MED13: variants seen among roughly 807,000 people sequenced by gnomAD.
MED13 encodes the protein mediator complex subunit 13.
MED13 carries 23 observed loss-of-function variants against 225.2 expected under a neutral mutation model. The ratio of observed to expected loss-of-function variants is 0.10; its 90% confidence interval spans 0.07 to 0.14. The LOEUF (loss-of-function observed/expected upper bound fraction) is 0.14, where lower values mean the gene tolerates loss of function less well. Among genes scored for constraint, MED13 ranks in the 10% least tolerant of loss-of-function variants. The pLI is 1.00. For synonymous variants in MED13, 942 were observed against 889.2 expected, an observed-to-expected ratio of 1.06 and a Z score of -1.06; for missense variants, 2,197 against 2,594.5, an observed-to-expected ratio of 0.85 and a Z score of 3.33.
chr17:61,978,257 T>G (rs1180561015), intron 16 of MED13, among the ~76,000 whole-genome samples: 2 of 152,146 alleles, frequency 1.3e-5, no homozygotes, highest in African/African-American at 4.8e-5. Context: ...TTTATTTTTT[T>G]TATTTTTTTT....
chr17:62,008,114 G>A (rs546280054), intron 9 of MED13, among the ~76,000 whole-genome samples: 40 of 148,822 alleles, frequency 2.7e-4, no homozygotes, highest in African/African-American at 8.4e-4. Flanking sequence ...TCAGGAGATC[G>A]AGACCATCCT....
intron 2 of MED13, 56 bp from the exon 3 acceptor site, chr17:62,052,761 CAAGTAAAA>C: frequency 5.2e-6 from 7 of 1,335,588 alleles, no homozygotes; most frequent in Non-Finnish European, 7.0e-6. Context: ...TATTCAGAGC[CAAGTAAAA>C]AAGGTTACAG....
At chr17:62,003,691 CAT>C (rs1265111483) in intron 9 of MED13, 1 of 146,114 alleles carries the variant, frequency 6.8e-6, no homozygotes, top group East Asian at 2.2e-4. Flanking sequence ...TCACATAAGA[CAT>C]ATGATTAAAA....
In MED13 at chr17:61,961,715, T is replaced by C; in HGVS notation, c.5129A>G (p.His1710Arg). The C allele has an allele frequency of 6.2e-7, 1 of 1,614,082 alleles. No individual in the cohort carries two copies. Among genetic ancestry groups the C allele is most frequent in the Non-Finnish European group, 8.5e-7 (1 of 1,179,984 alleles). The stretch of plus-strand genomic sequence containing the variant: ...GGCCGAAAAAGCCAGGGATTTTAAA[T>C]GCTGGGGATAGATTTCTCTATCTTC... ...KHEDREIYPQ[H>R]LKSLAFSAFT... The change falls in exon 22 of 30, where the codon CAT becomes CGT. Residue 1710 changes from histidine (H) to arginine (R), a missense_variant. Physicochemically the swap from His to Arg is conservative, Grantham distance 29. Transcript: ENST00000397786.
At chr17:61,984,940 G>C in intron 13 of MED13, 60 bp downstream of exon 13, 1 of 1,593,182 alleles carries the variant, frequency 6.3e-7, no homozygotes, top group East Asian at 2.2e-5. Context: ...AAGGAGTGGG[G>C]AGCTTTGTTG....
intron 8 of MED13, among the ~76,000 whole-genome samples, chr17:62,012,238 A>G (rs981105271): frequency 1.3e-5 from 2 of 151,876 alleles, no homozygotes; most frequent in African/African-American, 4.8e-5. Context: ...AACAAAAACA[A>G]ACAAAAAAAA....
intron 16 of MED13, among the ~76,000 whole-genome samples, chr17:61,977,337 G>C (rs149376841): frequency 5.9e-5 from 9 of 152,304 alleles, no homozygotes; most frequent in African/African-American, 2.2e-4. Context: ...TCTGGAAAAC[G>C]AGTATCCAAG....
chr17:61,965,754 TAA>T (rs1159486892), intron 19 of MED13, among the ~76,000 whole-genome samples: 1 of 152,204 alleles, frequency 6.6e-6, no homozygotes, highest in Non-Finnish European at 1.5e-5. Context: ...TAATTAAATG[TAA>T]AAAAGGTATC....
Position 61,965,146 on chromosome 17 carries a change from A to G in MED13, c.4704T>C (p.Ala1568=). 6.2e-7 allele frequency: 1 copy of G among 1,614,214 alleles called. No individual in the cohort carries two copies. The highest frequency in any genetic ancestry group is 8.5e-7 in the Non-Finnish European group (1 of 1,180,034). The stretch of plus-strand genomic sequence containing the variant: ...TTGCTTGTGTAGACATGGATCCTGC[A>G]GCATTACTGTTCATACTGCCAAAGG... ...FPPFGSMNSN[A]AGSMSTQANT... is the part of the protein sequence containing the mutation. Residue 1568 remains alanine, a synonymous_variant, in exon 20 of 30, where the codon GCT becomes GCC. Coordinates refer to ENST00000397786, the MANE Select transcript of MED13 (RefSeq NM_005121.3).
chr17:61,983,975 G>C (rs1020256482), intron 15 of MED13, among the ~76,000 whole-genome samples, 196 bp downstream of exon 15: 1 of 152,102 alleles, frequency 6.6e-6, no homozygotes, highest in African/African-American at 2.4e-5. Flanking sequence ...GGATACGCCT[G>C]CCTTGGCCTC....
intron 8 of MED13, 65 bp from the exon 9 acceptor site, chr17:62,011,298 T>C: frequency 1.5e-6 from 2 of 1,359,798 alleles, no homozygotes; most frequent in Non-Finnish European, 2.0e-6. Context: ...ATAATACCAG[T>C]TAATAGTATT....
At chr17:61,990,192 A>G (rs970359101) in intron 11 of MED13, among the ~76,000 whole-genome samples, 4 of 152,132 alleles carry the variant, frequency 2.6e-5, no homozygotes, top group African/African-American at 4.8e-5. Context: ...CAAATTGCTG[A>G]AAGTAGATTT....
intron 24 of MED13, 56 bp downstream of exon 24, chr17:61,956,283 T>C: frequency 6.5e-7 from 1 of 1,531,262 alleles, no homozygotes; most frequent in Non-Finnish European, 8.9e-7. Context: ...TGGTCAGAAC[T>C]GTGTGTGAAT....
Position 61,946,979 on chromosome 17 carries a change from G to C in MED13, c.6330C>G (p.Asp2110Glu), listed in dbSNP as rs767087322. The change falls in exon 29 of 30, where the codon GAC (aspartate) becomes GAG (glutamate). Residue 2110 changes from aspartate to glutamate, a missense_variant. Asp to Glu is a conservative substitution (Grantham distance 45, BLOSUM62 2). This residue lies in a region of MED13 where 216 missense variants were observed against 388.9 expected (regional missense o/e 0.56). Transcript: ENST00000397786. The part of the protein sequence containing the change: ...LHLHVPSVQS[D>E]ELLHSKHSHP... ...GGGAGTGTTTACTGTGAAGCAGCTC[G>C]TCAGATTGCACTGAAGGCACGTGGA... 6.2e-6 allele frequency: 10 copies of C among 1,613,982 alleles called. No homozygotes were observed. Among genetic ancestry groups the C allele is most frequent in the East Asian group, 2.2e-5 (1 of 44,894 alleles).
At chr17:62,045,320 C>A (rs1054335156) in intron 3 of MED13, among the ~76,000 whole-genome samples, 1 of 152,106 alleles carries the variant, frequency 6.6e-6, no homozygotes. Flanking sequence ...TAAATGGCTA[C>A]AACAGATTCA....
chr17:61,981,488 C>T (rs2080204206), intron 16 of MED13, among the ~76,000 whole-genome samples: 1 of 150,820 alleles, frequency 6.6e-6, no homozygotes, highest in African/African-American at 2.5e-5. Flanking sequence ...CATCTCCTTC[C>T]AGTCTCCCTA....
chr17:61,964,946 A>C, intron 20 of MED13, 60 bp downstream of exon 20: 1 of 1,479,784 alleles, frequency 6.8e-7, no homozygotes, highest in Non-Finnish European at 9.1e-7. Flanking sequence ...AAGAAAAAAA[A>C]AGAAAGAAGC....
At chr17:62,010,001 C>G (rs1020850452) in intron 9 of MED13, among the ~76,000 whole-genome samples, 2 of 152,088 alleles carry the variant, frequency 1.3e-5, no homozygotes, top group Admixed American at 6.6e-5. Context: ...GTGGGTGGAT[C>G]ACTTGAGGTC....
In MED13 at chr17:61,985,348, A is replaced by G. The variant is rs377407161; in HGVS notation, c.2386-258T>C. 9.1e-4 allele frequency among the ~76,000 whole-genome samples: 139 copies of G among 152,318 alleles called. 6 individuals are homozygous for G. The East Asian group carries it at 0.019, about 21-fold the overall frequency. On this transcript the variant is annotated intron_variant, in intron 12 of 29. Transcript: ENST00000397786. ...AGAAAATGACCAATACTTTCAAAAT[A>G]CACAGAAGTAAGGTTAACCTTAACT...
Sources: gnomAD v4.1 joint callset for allele counts (sites outside exome capture counted in the v4.1 genomes callset) on GRCh38, gnomAD v4.1.1 for gene constraint, gnomAD v4.1.1 regional missense constraint, MANE v1.5 for transcripts, NCBI Gene and HGNC (gene_info 2026-07-23, HGNC 2026-07-21) for gene names.